The following CTNNA3 variants were observed in gnomAD, a reference collection of about 807,000 sequenced individuals.
The protein encoded by CTNNA3 is catenin alpha-3.
In CTNNA3, 76 loss-of-function variants were observed where a neutral mutation model predicts 95.7. The observed-to-expected ratio is 0.79, with a 90% CI of 0.66 to 0.96. CTNNA3 has a LOEUF of 0.96. Among genes scored for constraint, CTNNA3 ranks in the 40% least tolerant of loss-of-function variants. The probability of loss-of-function intolerance (pLI) is 0.00; values close to 1 mark genes in which losing one functional copy is unlikely to be tolerated. For missense variants in CTNNA3, 1,191 were observed against 1,089.8 expected (o/e 1.09, Z -1.31); for synonymous variants, 431 against 374.4 (o/e 1.15, Z -1.74).
intron 11 of CTNNA3, among the ~76,000 whole-genome samples, chr10:66,499,055 A>G (rs1302420804): frequency 6.6e-6 from 1 of 152,196 alleles, no homozygotes; most frequent in Non-Finnish European, 1.5e-5. Context: ...AACCATCTGT[A>G]CAAATCCACA....
chr10:67,000,850 A>G (rs778970038), intron 7 of CTNNA3, among the ~76,000 whole-genome samples: 1 of 152,184 alleles, frequency 6.6e-6, no homozygotes. Context: ...TGAGAATTTA[A>G]TTTTGGTATG....
chr10:66,011,451 G>A (rs1172181635), intron 15 of CTNNA3, among the ~76,000 whole-genome samples: 1 of 152,130 alleles, frequency 6.6e-6, no homozygotes, highest in Non-Finnish European at 1.5e-5. Context: ...TTTCACAGAA[G>A]TTTTAATGCT....
intron 13 of CTNNA3, among the ~76,000 whole-genome samples, chr10:66,175,915 C>G (rs955341967): frequency 5.9e-5 from 9 of 152,292 alleles, no homozygotes; most frequent in South Asian, 4.1e-4. Flanking sequence ...GCTGACAACT[C>G]TACAATAGTC....
intron 7 of CTNNA3, among the ~76,000 whole-genome samples, chr10:66,863,607 TAG>T (rs72127296): frequency 0.13 from 19,763 of 152,128 alleles, 1,639 homozygotes; most frequent in East Asian, 0.28. Flanking sequence ...ACTGGAGGAA[TAG>T]AGTTTTCAGT....
intron 11 of CTNNA3, among the ~76,000 whole-genome samples, chr10:66,428,049 T>G (rs929978139): frequency 6.6e-6 from 1 of 151,874 alleles, no homozygotes; most frequent in Non-Finnish European, 1.5e-5. Context: ...AATAAAAGGA[T>G]GGAGGAAGAT....
chr10:67,010,569 C>T (rs1852256324), intron 7 of CTNNA3, among the ~76,000 whole-genome samples: 1 of 152,156 alleles, frequency 6.6e-6, no homozygotes, highest in African/African-American at 2.4e-5. Context: ...GCACTAGCTA[C>T]AATCATCCTC....
intron 7 of CTNNA3, among the ~76,000 whole-genome samples, chr10:66,814,362 C>A (rs1373946102): frequency 6.6e-6 from 1 of 151,644 alleles, no homozygotes; most frequent in Non-Finnish European, 1.5e-5. Context: ...TAATAAGAAC[C>A]AGAAATTTCC....
intron 10 of CTNNA3, among the ~76,000 whole-genome samples, chr10:66,604,920 C>A (rs999339167): frequency 8.6e-5 from 13 of 152,004 alleles, no homozygotes; most frequent in African/African-American, 2.9e-4. Context: ...CTAAAAATGA[C>A]CACATCACCT....
At chr10:65,976,598 A>G (rs2078211220) in intron 16 of CTNNA3, among the ~76,000 whole-genome samples, 1 of 152,194 alleles carries the variant, frequency 6.6e-6, no homozygotes, top group Non-Finnish European at 1.5e-5. Flanking sequence ...TAACCAAAGT[A>G]AAACAAAATA....
chr10:66,747,242 C>A (rs1017430690), intron 9 of CTNNA3, among the ~76,000 whole-genome samples: 3 of 152,088 alleles, frequency 2.0e-5, no homozygotes, highest in African/African-American at 7.2e-5. Context: ...GTGTTCATAT[C>A]TTGGATAGAA....
chr10:66,797,302 A>G (rs988818786), intron 7 of CTNNA3, among the ~76,000 whole-genome samples: 5 of 151,742 alleles, frequency 3.3e-5, no homozygotes, highest in African/African-American at 1.2e-4. Flanking sequence ...AGTTGATGCC[A>G]ATGTGGTACT....
At chr10:67,674,555 G>A (rs1021294355) in intron 1 of CTNNA3, among the ~76,000 whole-genome samples, 1 of 152,140 alleles carries the variant, frequency 6.6e-6, no homozygotes, top group Non-Finnish European at 1.5e-5. Context: ...AACACCACCA[G>A]CAGAGAATGT....
At chr10:66,199,799 ATATATAT>A (rs2087252230) in intron 13 of CTNNA3, among the ~76,000 whole-genome samples, 1 of 13,848 alleles carries the variant, frequency 7.2e-5, no homozygotes, top group African/African-American at 2.9e-4. Context: ...ATATATATAT[ATATATAT>A]TTTTTTTTTT....
chr10:66,615,311 A>G (rs1041252730), intron 10 of CTNNA3, among the ~76,000 whole-genome samples: 3 of 152,046 alleles, frequency 2.0e-5, no homozygotes, highest in African/African-American at 4.8e-5. Flanking sequence ...ATGAAAATCC[A>G]ATGATCAAAC....
chr10:66,298,338 T>C (rs2091812117), intron 12 of CTNNA3, among the ~76,000 whole-genome samples: 1 of 152,188 alleles, frequency 6.6e-6, no homozygotes, highest in East Asian at 1.9e-4. Flanking sequence ...ACCAACACTG[T>C]AGGGAAACTA....
intron 1 of CTNNA3, among the ~76,000 whole-genome samples, chr10:67,682,021 G>T (rs193240148): frequency 6.6e-5 from 10 of 152,150 alleles, no homozygotes; most frequent in Admixed American, 5.2e-4. Context: ...AGCCAGGCGT[G>T]GTGGTGGGCA....
In CTNNA3 at chr10:67,470,694, A is replaced by C. The variant is rs572765645; in HGVS notation, c.579+51148T>G. On this transcript the variant is annotated intron_variant, in intron 5 of 17. Coordinates refer to ENST00000433211, the MANE Select transcript of CTNNA3 (RefSeq NM_013266.4). ...CGCAGTGAGACTATAACTATGACCC[A>C]AATCTGTGTTACTTTAACACAGAAT... Among the ~76,000 whole-genome samples, 25 of 152,208 alleles carry C rather than the reference A, an allele frequency of 1.6e-4. No homozygotes were observed. The East Asian group carries it at 4.6e-3, about 28-fold the overall frequency.
chr10:66,410,186 A>T (rs2093091935), intron 11 of CTNNA3, among the ~76,000 whole-genome samples: 1 of 152,268 alleles, frequency 6.6e-6, no homozygotes, highest in South Asian at 2.1e-4. Flanking sequence ...GATGGCTGTT[A>T]AATAATCAGA....
intron 17 of CTNNA3, among the ~76,000 whole-genome samples, chr10:65,948,040 G>A (rs559061265): frequency 5.9e-5 from 9 of 152,294 alleles, no homozygotes; most frequent in African/African-American, 1.7e-4. Flanking sequence ...CACTTTGGGA[G>A]GCCAAGGTGG....
Sources: allele counts gnomAD v4.1 joint callset (sites outside exome capture counted in the v4.1 genomes callset), GRCh38; gene constraint gnomAD v4.1.1; transcripts MANE v1.5; gene names NCBI Gene and HGNC (gene_info 2026-07-23, HGNC 2026-07-21).